Variants in CMSS1 observed in about 807,000 individuals in gnomAD.
CMSS1 encodes cms1 ribosomal small subunit homolog, also known as protein CMSS1.
In CMSS1, 33 loss-of-function variants were observed where a neutral mutation model predicts 43.5. The observed-to-expected ratio is 0.76, with a 90% CI of 0.57 to 1.01. The LOEUF (loss-of-function observed/expected upper bound fraction) is 1.01, where lower values mean the gene tolerates loss of function less well. CMSS1 is among the 50% of genes least tolerant of loss of function. The pLI is 0.00. For synonymous variants in CMSS1, 115 were observed against 117.2 expected, an observed-to-expected ratio of 0.98 and a Z score of 0.12; for missense variants, 313 against 326.4, an observed-to-expected ratio of 0.96 and a Z score of 0.32.
chr3:99,882,364 A>G (rs559344302), intron 1 of CMSS1, among the ~76,000 whole-genome samples: 68 of 152,292 alleles, frequency 4.5e-4, no homozygotes, highest in Non-Finnish European at 6.8e-4. Flanking sequence ...GAAGGACAAA[A>G]TAAAACTGTC....
chr3:100,131,160 C>G (rs758549319), intron 1 of CMSS1, among the ~76,000 whole-genome samples: 1 of 152,142 alleles, frequency 6.6e-6, no homozygotes, highest in Non-Finnish European at 1.5e-5. Context: ...CTGTTAATAT[C>G]CCTGTTTTAT....
intron 1 of CMSS1, among the ~76,000 whole-genome samples, chr3:100,133,866 T>A (rs2066729707): frequency 6.6e-6 from 1 of 152,224 alleles, no homozygotes; most frequent in African/African-American, 2.4e-5. Context: ...GCTTTTTCCA[T>A]TGAGAAGCTG....
rs138298130 is a variant in CMSS1 at position 99,990,144 on chromosome 3, C to G, written c.65-156829C>G. On this transcript the variant is annotated intron_variant, in intron 1 of 9. Coordinates refer to ENST00000421999, the MANE Select transcript of CMSS1 (RefSeq NM_032359.4). ...AGCAGCTATTGTATGCCAGATACTG[C>G]CTATGCTCTAGAAATAAAATAATGA... 2.2e-3 allele frequency among the ~76,000 whole-genome samples: 340 copies of G among 152,184 alleles called. 6 individuals carry two copies. Among genetic ancestry groups the G allele is most frequent in the African/African-American group, 7.3e-3 (304 of 41,502 alleles).
At chr3:99,903,338 G>A (rs1045734429) in intron 1 of CMSS1, among the ~76,000 whole-genome samples, 1 of 151,564 alleles carries the variant, frequency 6.6e-6, no homozygotes, top group South Asian at 2.1e-4. Context: ...TGCAACCTCC[G>A]CCTCCCGGGT....
chr3:100,077,210 C>G (rs1356446037), intron 1 of CMSS1, among the ~76,000 whole-genome samples: 1 of 152,192 alleles, frequency 6.6e-6, no homozygotes, highest in Non-Finnish European at 1.5e-5. Context: ...CTCGTAGGTT[C>G]CAAGCAAATG....
chr3:100,117,825 G>GTATATATATATATATATATATATATACA (rs2066584599), intron 1 of CMSS1, among the ~76,000 whole-genome samples: 1 of 75,140 alleles, frequency 1.3e-5, no homozygotes, highest in African/African-American at 6.2e-5. Flanking sequence ...ATAAACTGCA[G>GTATATATATATATATATATATATATACA]TATATATATA....
intron 1 of CMSS1, among the ~76,000 whole-genome samples, chr3:99,837,354 T>G (rs1942942807): frequency 6.6e-6 from 1 of 151,542 alleles, no homozygotes; most frequent in Admixed American, 6.6e-5. Context: ...GTGACTGATC[T>G]CAGGCACAGT....
At chr3:99,850,419 T>C (rs1576511037) in intron 1 of CMSS1, 1 of 1,613,986 alleles carries the variant, frequency 6.2e-7, no homozygotes, top group Non-Finnish European at 8.5e-7. Context: ...TTTTACTGAG[T>C]TTTTCAACCT....
chr3:100,067,512 C>T (rs2065687322), intron 1 of CMSS1, among the ~76,000 whole-genome samples: 1 of 152,116 alleles, frequency 6.6e-6, no homozygotes, highest in South Asian at 2.1e-4. Context: ...TGAAATCTGA[C>T]AAAATTCACT....
chr3:99,885,995 C>G (rs1429602852), intron 1 of CMSS1, among the ~76,000 whole-genome samples: 1 of 152,160 alleles, frequency 6.6e-6, no homozygotes. Context: ...AAAAATCCAC[C>G]TTTGTTGATA....
Position 100,098,598 on chromosome 3 carries a change from C to T in CMSS1, c.65-48375C>T, listed in dbSNP as rs1369728589. Reference sequence around the variant, plus strand: ...CTCTTGCTGCTAATCAATACCAGTACATGCAAGGAAGTTATTTTTGTGCAT... The same window carrying T: ...CTCTTGCTGCTAATCAATACCAGTATATGCAAGGAAGTTATTTTTGTGCAT... On this transcript the variant is annotated intron_variant, in intron 1 of 9. Coordinates refer to ENST00000421999, the MANE Select transcript of CMSS1 (RefSeq NM_032359.4). Among the ~76,000 whole-genome samples the T allele has an allele frequency of 2.0e-5, 3 of 152,188 alleles. No individual in the cohort carries two copies. In the East Asian group the frequency reaches 5.8e-4, roughly 29 times the overall value.
intron 1 of CMSS1, among the ~76,000 whole-genome samples, chr3:99,960,140 C>T (rs556554478): frequency 1.3e-5 from 2 of 152,166 alleles, no homozygotes; most frequent in Non-Finnish European, 2.9e-5. Context: ...AGTGGTAGCT[C>T]ACAACCTGCC....
chr3:100,068,487 ATATT>A (rs766015002), intron 1 of CMSS1, among the ~76,000 whole-genome samples: 13 of 152,184 alleles, frequency 8.5e-5, no homozygotes, highest in Non-Finnish European at 1.6e-4. Flanking sequence ...TTTAATGTAA[ATATT>A]CATACATCTT....
At chr3:100,162,227 C>A in intron 3 of CMSS1, 76 bp from the exon 4 acceptor site, 1 of 1,311,832 alleles carries the variant, frequency 7.6e-7, no homozygotes, top group South Asian at 1.4e-5. Context: ...GTTTAAATGC[C>A]AGAGGAACTA....
At chr3:99,933,173 G>A (rs927492605) in intron 1 of CMSS1, among the ~76,000 whole-genome samples, 7 of 152,144 alleles carry the variant, frequency 4.6e-5, no homozygotes, top group Non-Finnish European at 8.8e-5. Context: ...AAATCATGCC[G>A]TAATGTCATT....
At chr3:100,062,772 G>T (rs946469016) in intron 1 of CMSS1, among the ~76,000 whole-genome samples, 1 of 152,152 alleles carries the variant, frequency 6.6e-6, no homozygotes, top group Non-Finnish European at 1.5e-5. Context: ...GCTTTGTCCT[G>T]GTTCCTCAGC....
intron 1 of CMSS1, among the ~76,000 whole-genome samples, chr3:100,023,122 C>G (rs1046252520): frequency 2.0e-5 from 3 of 152,166 alleles, no homozygotes; most frequent in African/African-American, 7.2e-5. Context: ...ATGGAAAGAT[C>G]ACAGCTGAAA....
intron 1 of CMSS1, among the ~76,000 whole-genome samples, chr3:99,927,409 G>T (rs1707328236): frequency 1.4e-5 from 2 of 139,090 alleles, no homozygotes; most frequent in Admixed American, 7.4e-5. Flanking sequence ...CGCTTTTGTT[G>T]TTCAGGCTGG....
intron 1 of CMSS1, among the ~76,000 whole-genome samples, chr3:99,927,036 G>A (rs934199207): frequency 1.1e-4 from 16 of 152,158 alleles, no homozygotes; most frequent in African/African-American, 3.9e-4. Context: ...TGCCACCTTG[G>A]CCCCATCTTC....
Sources: allele counts gnomAD v4.1 joint callset (sites outside exome capture counted in the v4.1 genomes callset), GRCh38; gene constraint gnomAD v4.1.1; transcripts MANE v1.5; gene names NCBI Gene and HGNC (gene_info 2026-07-23, HGNC 2026-07-21).